Variants in RFC3 observed in about 807,000 individuals in gnomAD.
RFC3 encodes A1 38 kDa subunit.
Under a neutral mutation model 45.1 loss-of-function variants are expected in RFC3, and 41 were observed. That is an observed-to-expected ratio of 0.91 (90% CI 0.71 to 1.18). The LOEUF is 1.18. Among genes scored for constraint, RFC3 ranks in the 50% most tolerant of loss-of-function variants. The pLI is 0.00. For missense variants in RFC3, 423 were observed against 428.1 expected (o/e 0.99, Z 0.10); for synonymous variants, 149 against 144.0 (o/e 1.03, Z -0.25).
At chr13:33,889,509 A>T (rs76156363) in intron 8 of RFC3, among the ~76,000 whole-genome samples, 80 of 152,360 alleles carry the variant, frequency 5.3e-4, no homozygotes, top group African/African-American at 1.7e-3. Context: ...TGATCAAATC[A>T]GGGTAGTTGG....
intron 8 of RFC3, among the ~76,000 whole-genome samples, chr13:33,879,326 C>A (rs761262268): frequency 5.3e-5 from 8 of 152,094 alleles, no homozygotes; most frequent in Non-Finnish European, 1.2e-4. Context: ...ATATCATTTC[C>A]TTGCCCGTTT....
chr13:33,894,356 T>A (rs1227134156), intron 8 of RFC3, among the ~76,000 whole-genome samples: 1 of 152,178 alleles, frequency 6.6e-6, no homozygotes, highest in Non-Finnish European at 1.5e-5. Flanking sequence ...ACTTCCAGTT[T>A]CCAGTGGGAA....
At chr13:33,821,737 C>T (rs570815537) in intron 2 of RFC3, among the ~76,000 whole-genome samples, 1 of 152,214 alleles carries the variant, frequency 6.6e-6, no homozygotes, top group Non-Finnish European at 1.5e-5. Context: ...TGATCTTGCC[C>T]TTGCCAAGAT....
In RFC3 at chr13:33,823,899, C is replaced by A. The variant is rs755269341; in HGVS notation, c.226-18C>A. 8.0e-6 allele frequency: 11 copies of A among 1,371,292 alleles called. No homozygotes were observed. Among genetic ancestry groups the A allele is most frequent in the East Asian group, 2.4e-5 (1 of 41,498 alleles). 84.9% of individuals were successfully genotyped at this position (1,371,292 alleles called of 1,614,324 possible). A position where few individuals can be genotyped will look rare whatever the true frequency, so the allele number is the denominator to read the frequency against. On this transcript the variant is annotated intron_variant, in intron 2 of 8. Coordinates refer to ENST00000380071, the MANE Select transcript of RFC3 (RefSeq NM_002915.4). ...GGCAATAAATAAATGTTAAAAATAT[C>A]TTTTTCTTTGTCCACAGACTCCATC...
intron 2 of RFC3, among the ~76,000 whole-genome samples, chr13:33,823,523 T>C (rs2082022594): frequency 6.6e-6 from 1 of 152,196 alleles, no homozygotes; most frequent in Non-Finnish European, 1.5e-5. Flanking sequence ...TGATTTCCTT[T>C]TTTTAATTTT....
At chr13:33,844,055 A>G (rs1430708363) in intron 8 of RFC3, among the ~76,000 whole-genome samples, 2 of 152,126 alleles carry the variant, frequency 1.3e-5, no homozygotes, top group Non-Finnish European at 2.9e-5. Context: ...ATGATTAATC[A>G]TGTTTTTCTA....
chr13:33,915,312 A>G (rs139038127), intron 8 of RFC3, among the ~76,000 whole-genome samples: 123 of 152,294 alleles, frequency 8.1e-4, no homozygotes, highest in Non-Finnish European at 1.1e-3. Flanking sequence ...TGTAAATGCC[A>G]GTACACTTGC....
intron 8 of RFC3, among the ~76,000 whole-genome samples, chr13:33,965,259 GATGATAAAAATAATACAGTC>G (rs2083080437): frequency 6.6e-6 from 1 of 152,170 alleles, no homozygotes. Context: ...GTAAGGTGGG[GATGATAAAAATAATACAGTC>G]ATGAGCTATT....
At chr13:33,925,129 CAT>C (rs955824941) in intron 8 of RFC3, among the ~76,000 whole-genome samples, 8 of 146,798 alleles carry the variant, frequency 5.4e-5, no homozygotes, top group Non-Finnish European at 4.5e-5. Context: ...TACATATATA[CAT>C]GCATATATAG....
chr13:33,834,264 G>C (rs1458356548), intron 7 of RFC3, among the ~76,000 whole-genome samples: 2 of 127,442 alleles, frequency 1.6e-5, no homozygotes, highest in Non-Finnish European at 3.1e-5. Context: ...TCACTACCTG[G>C]ATTTATCTGA....
chr13:33,927,532 C>A (rs1030169846), intron 8 of RFC3, among the ~76,000 whole-genome samples: 3 of 152,120 alleles, frequency 2.0e-5, no homozygotes, highest in African/African-American at 7.2e-5. Flanking sequence ...AAGAGGCCAA[C>A]TCTCCTTGTG....
chr13:33,887,689 A>G (rs2082535009), intron 8 of RFC3, among the ~76,000 whole-genome samples: 1 of 152,180 alleles, frequency 6.6e-6, no homozygotes, highest in Non-Finnish European at 1.5e-5. Flanking sequence ...TGTTTTAGAC[A>G]TGAAGTCCTT....
chr13:33,975,751 C>T, the RFC3 span, among the ~76,000 whole-genome samples: 4 of 152,192 alleles, frequency 2.6e-5, no homozygotes, highest in African/African-American at 9.6e-5. Flanking sequence ...AGTTGCTGCC[C>T]AACAGGTATG....
chr13:33,821,756 G>A (rs1387535467), intron 2 of RFC3, among the ~76,000 whole-genome samples: 2 of 152,330 alleles, frequency 1.3e-5, no homozygotes, highest in Non-Finnish European at 2.9e-5. Context: ...ATGTCCAGCT[G>A]CATACCGTGT....
At chr13:33,829,170 G>T (rs1373640321) in intron 4 of RFC3, among the ~76,000 whole-genome samples, 2 of 152,126 alleles carry the variant, frequency 1.3e-5, no homozygotes, top group Non-Finnish European at 2.9e-5. Flanking sequence ...TACAATATTG[G>T]ATTCAGTTTC....
At chr13:33,885,565 C>G (rs978828094) in intron 8 of RFC3, among the ~76,000 whole-genome samples, 5 of 152,064 alleles carry the variant, frequency 3.3e-5, no homozygotes, top group Non-Finnish European at 5.9e-5. Context: ...CTTCTTGGCC[C>G]ACCTCTGCAA....
At chr13:33,878,978 A>G (rs1217776951) in intron 8 of RFC3, among the ~76,000 whole-genome samples, 1 of 152,182 alleles carries the variant, frequency 6.6e-6, no homozygotes, top group Non-Finnish European at 1.5e-5. Context: ...CAGAAGGTTT[A>G]GAAGTGATTT....
intron 8 of RFC3, among the ~76,000 whole-genome samples, chr13:33,873,836 T>C (rs543496277): frequency 1.6e-4 from 25 of 152,296 alleles, no homozygotes; most frequent in African/African-American, 6.0e-4. Context: ...TTTGAGGCGG[T>C]CAAAGTCCTT....
At chr13:33,821,052 T>C (rs115567126) in intron 1 of RFC3, 80 bp from the exon 2 acceptor site, 9 of 1,396,282 alleles carry the variant, frequency 6.4e-6, no homozygotes, top group Non-Finnish European at 8.8e-6. Flanking sequence ...CATAAAATAT[T>C]TGTTACTTAA....
Sources: allele counts gnomAD v4.1 joint callset (sites outside exome capture counted in the v4.1 genomes callset), GRCh38; gene constraint gnomAD v4.1.1; transcripts MANE v1.5; gene names NCBI Gene and HGNC (gene_info 2026-07-23, HGNC 2026-07-21).